The following CRLF1 variants were observed in gnomAD, a reference collection of about 807,000 sequenced individuals.
The protein encoded by CRLF1 is cytokine receptor-like factor 1.
In CRLF1, 36 loss-of-function variants were observed where a neutral mutation model predicts 48.9. The observed-to-expected ratio is 0.74, with a 90% CI of 0.56 to 0.97. CRLF1 has a LOEUF of 0.97. Ranked by LOEUF, CRLF1 falls within the 50% of genes least tolerant of loss-of-function variation. The pLI, the probability that CRLF1 is intolerant of heterozygous loss-of-function variation, is 0.00. For missense variants in CRLF1, 534 were observed against 575.1 expected (o/e 0.93, Z 0.73); for synonymous variants, 256 against 253.4 (o/e 1.01, Z -0.10).
chr19:18,594,074 T>TGCCCCGTCTGCCCGAGGGCAGGATC lies in CRLF1; in HGVS notation c.1221_1245dup (p.Thr416AspfsTer86). On this transcript the variant is annotated frameshift_variant, in exon 8 of 9. Transcript: ENST00000392386. LOFTEE classifies it high-confidence loss of function. ...TTCAGGCCCACCTTACCTCTCGCCG[T>TGCCCCGTCTGCCCGAGGGCAGGATC]GCCCCGTCTGCCCGAGGGCAGGATC... 2 of 1,231,346 alleles carry TGCCCCGTCTGCCCGAGGGCAGGATC rather than the reference T, an allele frequency of 1.6e-6. No homozygotes were observed. Among genetic ancestry groups the TGCCCCGTCTGCCCGAGGGCAGGATC allele is most frequent in the Non-Finnish European group, 2.1e-6 (2 of 942,196 alleles). 76.3% of individuals were successfully genotyped at this position (1,231,346 alleles called of 1,614,324 possible).
intron 1 of CRLF1, among the ~76,000 whole-genome samples, chr19:18,602,666 A>C (rs1309908941): frequency 6.6e-6 from 1 of 151,918 alleles, no homozygotes; most frequent in Non-Finnish European, 1.5e-5. Context: ...CAACAAAACA[A>C]ACCTCATGAG....
At chr19:18,603,758 C>G (rs1281467918) in intron 1 of CRLF1, among the ~76,000 whole-genome samples, 2 of 152,106 alleles carry the variant, frequency 1.3e-5, no homozygotes, top group African/African-American at 2.4e-5. Flanking sequence ...AAACTTGGCT[C>G]GAGGGCTCTG....
chr19:18,593,406 T>G lies in CRLF1; in HGVS notation c.*160A>C. On this transcript the variant is annotated 3_prime_UTR_variant, in exon 9 of 9. Coordinates refer to ENST00000392386, the MANE Select transcript of CRLF1 (RefSeq NM_004750.5). ...GGGTGCACCCAAAGGTGGCCTCACG[T>G]GGGAGTCAGAGCTGTTATGGCCGTT... 1.0e-6 allele frequency: 1 copy of G among 974,662 alleles called. No individual in the cohort carries two copies. Among genetic ancestry groups the G allele is most frequent in the Non-Finnish European group, 1.5e-6 (1 of 655,296 alleles). The allele number at this position is 974,662 out of a possible 1,614,324, so 60.4% of individuals were successfully genotyped here.
In CRLF1 at chr19:18,599,751, C is replaced by T. The variant is rs370673214; in HGVS notation, c.211G>A (p.Ala71Thr). 8.1e-6 allele frequency: 13 copies of T among 1,600,450 alleles called. No homozygotes were observed. The highest frequency in any genetic ancestry group is 5.2e-5 in the Admixed American group (3 of 57,682). Residue 71 changes from alanine to threonine, a missense_variant, in exon 2 of 9, where the codon GCC becomes ACC. Physicochemically the swap from Ala to Thr is moderately conservative, Grantham distance 58 (BLOSUM62 0). This residue lies in a region of CRLF1 where 528 missense variants were observed against 555.7 expected (regional missense o/e 0.95). Transcript: ENST00000392386. ...TTGAGGGTCCAGTAGAGGCCCTCGG[C>T]GGTGGCTCCTGGTGGGTCTCCGTGC... is the stretch of plus-strand genomic sequence containing the variant. ...SVHGDPPGAT[A>T]EGLYWTLNGR...
intron 8 of CRLF1, 149 bp downstream of exon 8, chr19:18,593,916 G>A: frequency 6.8e-7 from 1 of 1,467,480 alleles, no homozygotes; most frequent in East Asian, 2.5e-5. Context: ...CTAAGTAAAT[G>A]CTGATGAATA....
chr19:18,594,030 G>GCGGGGGGGGGGCCCCCCCCC, intron 8 of CRLF1, 35 bp downstream of exon 8: 1 of 1,315,312 alleles, frequency 7.6e-7, no homozygotes, highest in Non-Finnish European at 1.1e-6. Flanking sequence ...CCCTCCCCTT[G>GCGGGGGGGGGGCCCCCCCCC]CTCCCTCCCG....
At chr19:18,598,107 G>A (rs1976166394) in intron 4 of CRLF1, among the ~76,000 whole-genome samples, 3 of 152,000 alleles carry the variant, frequency 2.0e-5, no homozygotes, top group Admixed American at 2.0e-4. Flanking sequence ...CGGCTTCCTG[G>A]GGCGCCTCCC....
intron 1 of CRLF1, among the ~76,000 whole-genome samples, chr19:18,601,372 G>A (rs1293483813): frequency 6.6e-6 from 1 of 152,078 alleles, no homozygotes; most frequent in Non-Finnish European, 1.5e-5. Flanking sequence ...CGCCTCCCAG[G>A]TTCAAGTGAT....
At chr19:18,599,368 A>T (rs1976188058) in intron 2 of CRLF1, among the ~76,000 whole-genome samples, 197 bp downstream of exon 2, 1 of 152,148 alleles carries the variant, frequency 6.6e-6, no homozygotes, top group Non-Finnish European at 1.5e-5. Flanking sequence ...AGCCTCCCAA[A>T]GTGCTGGGCT....
chr19:18,596,376 T>TA (rs1976132227), intron 6 of CRLF1, among the ~76,000 whole-genome samples: 2 of 151,956 alleles, frequency 1.3e-5, no homozygotes, highest in Non-Finnish European at 2.9e-5. Flanking sequence ...CTGTCTCTAC[T>TA]AAAAAATACA....
At chr19:18,593,794 G>GCTAA in intron 8 of CRLF1, 1 of 985,474 alleles carries the variant, frequency 1.0e-6, no homozygotes. Flanking sequence ...GCCCATGCGT[G>GCTAA]CTAACTAGGG....
chr19:18,593,569 T>C lies in CRLF1; in HGVS notation c.1266A>G (p.Arg422=). The C allele has an allele frequency of 6.2e-7, 1 of 1,610,238 alleles. No individual in the cohort carries two copies. Among genetic ancestry groups the C allele is most frequent in the Non-Finnish European group, 8.5e-7 (1 of 1,178,714 alleles). The change falls in exon 9 of 9, where the codon AGA becomes AGG. Residue 422 remains arginine (R), a synonymous_variant. Coordinates refer to ENST00000392386, the MANE Select transcript of CRLF1 (RefSeq NM_004750.5). ...GRRGTARGPA[R] ...GGGTGGCCTGAGCCCCTACAGCTTATCTGGCAGGACCTGCAGGCAGAGGGG... is the reference window on the plus strand; with the variant it reads ...GGGTGGCCTGAGCCCCTACAGCTTACCTGGCAGGACCTGCAGGCAGAGGGG...
Position 18,598,557 on chromosome 19 carries a change from C to A in CRLF1, c.572G>T (p.Gly191Val). The A allele has an allele frequency of 6.2e-7, 1 of 1,614,026 alleles. No homozygotes were observed. Among genetic ancestry groups the A allele is most frequent in the Non-Finnish European group, 8.5e-7 (1 of 1,179,972 alleles). The change falls in exon 4 of 9, where the codon GGG becomes GTG. Residue 191 changes from glycine to valine, a missense_variant. Around this residue, in one of 2 missense-constraint regions of CRLF1, gnomAD observed 528 missense variants for 555.7 expected, o/e 0.95. Coordinates refer to ENST00000392386, the MANE Select transcript of CRLF1 (RefSeq NM_004750.5). Reference protein sequence around the residue: ...DNTCEEYHTVGPHSCHIPKDL... With the variant: ...DNTCEEYHTVVPHSCHIPKDL... ...CTTGGGGATGTGGCAGGAGTGGGGC[C>A]CCACTGTGTGGTACTCCTCACATGT...
Position 18,598,790 on chromosome 19 carries a change from G to A in CRLF1, c.509C>T (p.Ser170Phe). The A allele has an allele frequency of 6.2e-7, 1 of 1,614,110 alleles. No homozygotes were observed. Among genetic ancestry groups the A allele is most frequent in the Non-Finnish European group, 8.5e-7 (1 of 1,179,998 alleles). ...HGETFLHTNYSLKYKLRWYGQ... is the reference protein window; with the variant it reads ...HGETFLHTNYFLKYKLRWYGQ... ...CACCAACCTAAGCTTGTACTTGAGG[G>A]AGTAGTTGGTGTGGAGGAAGGTCTC... Residue 170 changes from serine to phenylalanine, a missense_variant, in exon 3 of 9, where the codon TCC becomes TTC. This residue lies in a region of CRLF1 where 528 missense variants were observed against 555.7 expected (regional missense o/e 0.95). Transcript: ENST00000392386.
chr19:18,601,012 C>T (rs1356043040), intron 1 of CRLF1, among the ~76,000 whole-genome samples: 1 of 152,064 alleles, frequency 6.6e-6, no homozygotes, highest in Non-Finnish European at 1.5e-5. Flanking sequence ...CGCTAGTTTG[C>T]TCAGGCCGGT....
chr19:18,594,029 T>TTCTTGGGG, intron 8 of CRLF1, 36 bp downstream of exon 8: 5 of 1,366,642 alleles, frequency 3.7e-6, no homozygotes, highest in Non-Finnish European at 5.1e-6. Flanking sequence ...GCCCTCCCCT[T>TTCTTGGGG]GCTCCCTCCC....
Position 18,593,480 on chromosome 19 carries a change from T to C in CRLF1, c.*86A>G, listed in dbSNP as rs1027145752. The C allele has an allele frequency of 6.3e-7, 1 of 1,579,930 alleles. No homozygotes were observed. The highest frequency in any genetic ancestry group is 1.3e-5 in the African/African-American group (1 of 74,310). The stretch of plus-strand genomic sequence containing the variant: ...CCTGCTGAGGGTGGCTCAGGTGCCC[T>C]GAAGTGAGGGTACAGAGGTGGCCCC... On this transcript the variant is annotated 3_prime_UTR_variant, in exon 9 of 9. Transcript: ENST00000392386.
intron 6 of CRLF1, among the ~76,000 whole-genome samples, chr19:18,595,679 G>C (rs1323836498): frequency 6.6e-6 from 1 of 152,232 alleles, no homozygotes. Context: ...ACAGCCCAAG[G>C]CAAGTGGGAT....
chr19:18,594,102 C>T lies in CRLF1; in HGVS notation c.1218G>A (p.Glu406=), dbSNP rs2145326328. The change falls in exon 8 of 9, where the codon GAG becomes GAA. Residue 406 remains glutamate (E), a synonymous_variant. Transcript: ENST00000392386. The part of the protein sequence containing the change: ...QKSHKTRNQD[E]GILPSGRRGT... ...CCCGTCTGCCCGAGGGCAGGATCCCCTCGTCCTGTGCTTGGAAGGAAGGCA... is the reference window on the plus strand; with the variant it reads ...CCCGTCTGCCCGAGGGCAGGATCCCTTCGTCCTGTGCTTGGAAGGAAGGCA... 6.4e-7 allele frequency: 1 copy of T among 1,573,718 alleles called. No individual in the cohort carries two copies. Among genetic ancestry groups the T allele is most frequent in the East Asian group, 2.3e-5 (1 of 42,850 alleles).
Sources: gnomAD v4.1 joint callset for allele counts (sites outside exome capture counted in the v4.1 genomes callset) on GRCh38, gnomAD v4.1.1 for gene constraint, gnomAD v4.1.1 regional missense constraint, MANE v1.5 for transcripts, NCBI Gene and HGNC (gene_info 2026-07-23, HGNC 2026-07-21) for gene names.